The following WEE1 variants were observed in gnomAD, a reference collection of about 807,000 sequenced individuals.
WEE1 encodes the protein WEE1 G2 checkpoint kinase, also known as wee1-like protein kinase.
In WEE1, 16 loss-of-function variants were observed where a neutral mutation model predicts 68.8. The ratio of observed to expected loss-of-function variants is 0.23; its 90% CI spans 0.16 to 0.35. WEE1 has a LOEUF of 0.35. Among genes scored for constraint, WEE1 ranks in the 10% least tolerant of loss-of-function variants. WEE1 has a pLI of 1.00. For synonymous variants in WEE1, 349 were observed against 318.7 expected (o/e 1.09, Z -1.01); for missense variants, 651 against 824.1 (o/e 0.79, Z 2.57).
intron 6 of WEE1, among the ~76,000 whole-genome samples, chr11:9,582,513 G>C (rs1010516726): frequency 2.6e-5 from 4 of 152,114 alleles, no homozygotes; most frequent in African/African-American, 9.7e-5. Flanking sequence ...AACTTTATGA[G>C]TTATATGCTA....
intron 5 of WEE1, chr11:9,578,611 T>C (rs11042429): frequency 0.33 from 49,574 of 152,180 alleles, 9,009 homozygotes; most frequent in Non-Finnish European, 0.42. Context: ...TTGATATTTG[T>C]TAGACACCAT....
intron 5 of WEE1, chr11:9,581,250 AAGC>A (rs1445476333): frequency 6.9e-6 from 2 of 288,252 alleles, no homozygotes; most frequent in East Asian, 7.3e-5. Context: ...AACAAAAAAA[AAGC>A]CAACCTGATA....
chr11:9,577,820 T>C (rs1849580676), intron 5 of WEE1: 1 of 450,960 alleles, frequency 2.2e-6, no homozygotes, highest in Admixed American at 2.4e-5. Context: ...CGTCTCTCCC[T>C]CCTCTCCCCT....
Position 9,574,058 on chromosome 11 carries a change from A to G in WEE1, c.125A>G (p.Glu42Gly). 1 of 1,250,500 alleles carries G rather than the reference A, an allele frequency of 8.0e-7. No individual in the cohort carries two copies. The highest frequency in any genetic ancestry group is 3.0e-5 in the South Asian group (1 of 32,942). 77.5% of individuals were successfully genotyped at this position (1,250,500 alleles called of 1,614,324 possible). A position where few individuals can be genotyped will look rare whatever the true frequency, so the allele number is the denominator to read the frequency against. The change falls in exon 1 of 11, where the codon GAG becomes GGG. Residue 42 changes from glutamate to glycine, a missense_variant. By Grantham distance (98) the Glu-to-Gly change is moderately conservative (BLOSUM62 -2). Transcript: ENST00000450114. This position sits in a 1 kb window ranked among gnomAD's most constrained non-coding sequence, Gnocchi z 4.9. ...GAGGAGGAGGAAGAAGAGGAGGAGG[A>G]GGAGGGCAGCGGCCACAGCACCGGG... is the stretch of plus-strand genomic sequence containing the variant. ...DCEEEEEEEE[E>G]EGSGHSTGED... is the part of the protein sequence containing the mutation.
At chr11:9,581,506 A>C in intron 5 of WEE1, 26 bp from the exon 6 acceptor site, 8 of 1,572,388 alleles carry the variant, frequency 5.1e-6, no homozygotes, top group South Asian at 3.5e-5. Flanking sequence ...AAAGAAGAAA[A>C]TGCTAATATT....
rs1849539360 is a variant in WEE1 at position 9,574,322 on chromosome 11, C to T, written c.389C>T (p.Ala130Val). 2.4e-6 allele frequency: 3 copies of T among 1,271,732 alleles called. No individual in the cohort carries two copies. Among genetic ancestry groups the T allele is most frequent in the Non-Finnish European group, 2.0e-6 (2 of 1,007,426 alleles). 78.8% of individuals were successfully genotyped at this position (1,271,732 alleles called of 1,614,324 possible). A position where few individuals can be genotyped will look rare whatever the true frequency, so the allele number is the denominator to read the frequency against. Residue 130 changes from alanine (A) to valine (V), a missense_variant, in exon 1 of 11, where the codon GCC becomes GTC. By Grantham distance (64) the Ala-to-Val change is moderately conservative. Coordinates refer to ENST00000450114, the MANE Select transcript of WEE1 (RefSeq NM_003390.4). This position sits in a 1 kb window ranked among gnomAD's most constrained non-coding sequence, Gnocchi z 4.9. Reference sequence around the variant, plus strand: ...TCGTCGCCGGTCAAGTCGCCGGCGGCCCCCTACTTCCTGGGTAGCTCTTTC... The same window carrying T: ...TCGTCGCCGGTCAAGTCGCCGGCGGTCCCCTACTTCCTGGGTAGCTCTTTC... ...GSSSPVKSPAAPYFLGSSFSP... is the reference protein window; with the variant it reads ...GSSSPVKSPAVPYFLGSSFSP...
intron 5 of WEE1, chr11:9,581,151 A>C (rs760887666): frequency 5.7e-6 from 1 of 174,940 alleles, no homozygotes; most frequent in Non-Finnish European, 1.2e-5. Flanking sequence ...TATGCTGATA[A>C]GTAGTGGGAT....
At chr11:9,587,095 A>C (rs1323891153) in intron 10 of WEE1, among the ~76,000 whole-genome samples, 1 of 152,052 alleles carries the variant, frequency 6.6e-6, no homozygotes, top group Admixed American at 6.6e-5. Flanking sequence ...TGAGTAGCTG[A>C]GCCACAGATG....
Position 9,586,779 on chromosome 11 carries a change from G to T in WEE1, c.1710G>T (p.Leu570=), listed in dbSNP as rs763530853. 1 of 1,614,082 alleles carries T rather than the reference G, an allele frequency of 6.2e-7. No individual in the cohort carries two copies. The highest frequency in any genetic ancestry group is 8.5e-7 in the Non-Finnish European group (1 of 1,179,986). ...AMALVKHSVL[L]SASRKSAEQL... ...CACTGGTAAAGCATTCAGTATTGCT[G>T]TCCGCTTCTAGAAAGAGTGCAGAAC... The change falls in exon 10 of 11, where the codon CTG becomes CTT. Residue 570 remains leucine, a synonymous_variant. Transcript: ENST00000450114.
chr11:9,586,987 A>C, intron 10 of WEE1, 131 bp downstream of exon 10: 7 of 1,028,454 alleles, frequency 6.8e-6, no homozygotes, highest in Non-Finnish European at 8.3e-6. Flanking sequence ...TTTTTGAGAC[A>C]GGGTCTCACT....
intron 10 of WEE1, among the ~76,000 whole-genome samples, chr11:9,587,895 A>G (rs1849718951): frequency 6.6e-6 from 1 of 152,194 alleles, no homozygotes; most frequent in Non-Finnish European, 1.5e-5. Context: ...AATAGGAAAT[A>G]AAGTGTTCCT....
At chr11:9,575,539 G>GA in intron 1 of WEE1, 1 of 412,246 alleles carries the variant, frequency 2.4e-6, no homozygotes, top group South Asian at 3.7e-5. Context: ...CTAGATGGGG[G>GA]AGGGGAGATT....
Position 9,588,856 on chromosome 11 carries a change from C to T in WEE1, c.*254C>T, listed in dbSNP as rs531145889. 20 of 1,078,306 alleles carry T rather than the reference C, an allele frequency of 1.9e-5. No homozygotes were observed. Among genetic ancestry groups the T allele is most frequent in the Non-Finnish European group, 2.0e-5 (18 of 888,174 alleles). 66.8% of individuals were successfully genotyped at this position (1,078,306 alleles called of 1,614,324 possible). On this transcript the variant is annotated 3_prime_UTR_variant, in exon 11 of 11. Coordinates refer to ENST00000450114, the MANE Select transcript of WEE1 (RefSeq NM_003390.4). ...ACACCAGCCTTTCCAGGGTTAACCA[C>T]TGTGGTGGTGTGCTGCTTATAGTTT... is the stretch of plus-strand genomic sequence containing the variant.
In WEE1 at chr11:9,589,424, T is replaced by A. The variant is rs980469369; in HGVS notation, c.*822T>A. 1.0e-6 allele frequency: 1 copy of A among 984,938 alleles called. No individual in the cohort carries two copies. Among genetic ancestry groups the A allele is most frequent in the Admixed American group, 6.2e-5 (1 of 16,260 alleles). 61.0% of individuals were successfully genotyped at this position (984,938 alleles called of 1,614,324 possible). On this transcript the variant is annotated 3_prime_UTR_variant, in exon 11 of 11. Transcript: ENST00000450114. ...CCTTCCCGGACTCTTTTTAAATGTCTCCCCCTAAGTTTTATACTTGATTGT... is the reference window on the plus strand; with the variant it reads ...CCTTCCCGGACTCTTTTTAAATGTCACCCCCTAAGTTTTATACTTGATTGT...
intron 8 of WEE1, among the ~76,000 whole-genome samples, chr11:9,585,925 G>C (rs1002756796): frequency 2.0e-5 from 3 of 152,192 alleles, no homozygotes; most frequent in Non-Finnish European, 4.4e-5. Flanking sequence ...GAATGATTAA[G>C]TAAATTATGG....
rs1453721271 is a variant in WEE1 at position 9,574,341 on chromosome 11, C to T, written c.408C>T (p.Ser136=). Reference sequence around the variant, plus strand: ...CGGCGGCCCCCTACTTCCTGGGTAGCTCTTTCTCGCCGGTGCGCTGCGGCG... The same window carrying T: ...CGGCGGCCCCCTACTTCCTGGGTAGTTCTTTCTCGCCGGTGCGCTGCGGCG... ...KSPAAPYFLG[S]SFSPVRCGGP... is the part of the protein sequence containing the mutation. The change falls in exon 1 of 11, where the codon AGC becomes AGT. Residue 136 remains serine, a synonymous_variant. Transcript: ENST00000450114. This position sits in a 1 kb window ranked among gnomAD's most constrained non-coding sequence, Gnocchi z 4.9. The T allele has an allele frequency of 4.0e-6, 5 of 1,265,190 alleles. No individual in the cohort carries two copies. Among genetic ancestry groups the T allele is most frequent in the Non-Finnish European group, 3.0e-6 (3 of 1,005,046 alleles). 78.4% of individuals were successfully genotyped at this position (1,265,190 alleles called of 1,614,324 possible).
intron 6 of WEE1, among the ~76,000 whole-genome samples, chr11:9,583,757 GCGCGCACACACACACACA>G (rs1442583660): frequency 3.5e-4 from 4 of 11,558 alleles, no homozygotes; most frequent in African/African-American, 7.3e-4. Context: ...GCGTGCACGC[GCGCGCACACACACACACA>G]CACACACACA....
At chr11:9,584,922 A>G (rs1030449041) in intron 6 of WEE1, among the ~76,000 whole-genome samples, 4 of 152,178 alleles carry the variant, frequency 2.6e-5, no homozygotes, top group African/African-American at 9.7e-5. Context: ...TAAAAATATA[A>G]AAGTTAGCTA....
chr11:9,577,121 TTAA>T lies in WEE1; in HGVS notation c.1020-19_1020-17del. ...TGAGTGAAAATTATTTACCATTCTA[TTAA>T]TCTCAAATTTCTTCTAGGCAGAACG... is the stretch of plus-strand genomic sequence containing the variant. On this transcript the variant is annotated intron_variant, in intron 4 of 10. Transcript: ENST00000450114. 1 of 1,591,436 alleles carries T rather than the reference TTAA, an allele frequency of 6.3e-7. No individual in the cohort carries two copies.
Sources: allele counts gnomAD v4.1 joint callset (sites outside exome capture counted in the v4.1 genomes callset), GRCh38; gene constraint gnomAD v4.1.1; non-coding constraint Gnocchi (gnomAD v3.1); transcripts MANE v1.5; gene names NCBI Gene and HGNC (gene_info 2026-07-23, HGNC 2026-07-21).